PCDHGA8: variants seen among roughly 807,000 people sequenced by gnomAD.
PCDHGA8 encodes protocadherin gamma-A8.
Under a neutral mutation model 59.2 loss-of-function variants are expected in PCDHGA8, and 45 were observed. The observed-to-expected ratio is 0.76, with a 90% CI of 0.60 to 0.98. The LOEUF is 0.98. Among genes scored for constraint, PCDHGA8 ranks in the 50% least tolerant of loss-of-function variants. The pLI is 0.00. For missense variants in PCDHGA8, 1,257 were observed against 1,196.2 expected (o/e 1.05, Z -0.75); for synonymous variants, 531 against 519.0 (o/e 1.02, Z -0.32).
chr5:141,485,995 T>G lies in PCDHGA8; in HGVS notation c.2425-8812T>G. 1 of 1,614,176 alleles carries G rather than the reference T, an allele frequency of 6.2e-7. No individual in the cohort carries two copies. On this transcript the variant is annotated intron_variant, in intron 1 of 3. Transcript: ENST00000398604. The surrounding 1 kb of genome is among the most constrained non-coding windows in gnomAD (Gnocchi z 5.7). ...CCTCAGACCCGGACCTGGGTCCCAG[T>G]GGTAACGTCACCTTTTATTTCAGTG...
At chr5:141,462,786 T>G (rs1394476968) in intron 1 of PCDHGA8, among the ~76,000 whole-genome samples, 1 of 152,216 alleles carries the variant, frequency 6.6e-6, no homozygotes, top group Admixed American at 6.5e-5. Flanking sequence ...AATTTGTTGC[T>G]TATTTGCATG....
At position 141,486,778 on chromosome 5, in the gene PCDHGA8, G is replaced by A. The variant is rs750169906; in HGVS notation, c.2425-8029G>A. The A allele has an allele frequency of 1.2e-6, 2 of 1,614,104 alleles. No individual in the cohort carries two copies. Among genetic ancestry groups the A allele is most frequent in the Admixed American group, 1.7e-5 (1 of 60,006 alleles). ...AAACCCAGACACTGCAGTTTGAGGT[G>A]CAGGCCCGGGATCGGGGCAACCCAC... is the stretch of plus-strand genomic sequence containing the variant. On this transcript the variant is annotated intron_variant, in intron 1 of 3. Coordinates refer to ENST00000398604, the MANE Select transcript of PCDHGA8 (RefSeq NM_032088.2). This position sits in a 1 kb window ranked among gnomAD's most constrained non-coding sequence, Gnocchi z 5.0.
At chr5:141,447,275 G>C (rs2098532748) in intron 1 of PCDHGA8, among the ~76,000 whole-genome samples, 1 of 152,154 alleles carries the variant, frequency 6.6e-6, no homozygotes, top group African/African-American at 2.4e-5. Flanking sequence ...AAGTAGCTGG[G>C]ACTACAGGCA....
chr5:141,404,501 C>T, intron 1 of PCDHGA8: 2 of 1,613,792 alleles, frequency 1.2e-6, no homozygotes, highest in Non-Finnish European at 1.7e-6. Context: ...GCTGTATGCT[C>T]TGTGCTCCTT....
intron 1 of PCDHGA8, chr5:141,439,815 T>C (rs1027862858): frequency 5.3e-5 from 8 of 152,314 alleles, no homozygotes; most frequent in African/African-American, 1.9e-4. Flanking sequence ...AAGGGGCTTA[T>C]TTGGGCTGGA....
At position 141,490,221 on chromosome 5, in the gene PCDHGA8, G is replaced by A; in HGVS notation, c.2425-4586G>A. 6.2e-7 allele frequency: 1 copy of A among 1,614,236 alleles called. No individual in the cohort carries two copies. The highest frequency in any genetic ancestry group is 1.1e-5 in the South Asian group (1 of 91,084). ...ATGCAAGAGCCCGTGACCAGGGACAGCCTGCCATGGAGGGCCACTGTGTGA... is the reference window on the plus strand; with the variant it reads ...ATGCAAGAGCCCGTGACCAGGGACAACCTGCCATGGAGGGCCACTGTGTGA... On this transcript the variant is annotated intron_variant, in intron 1 of 3. Transcript: ENST00000398604. The surrounding 1 kb of genome is among the most constrained non-coding windows in gnomAD (Gnocchi z 5.4).
At chr5:141,428,275 G>C in intron 1 of PCDHGA8, 1 of 767,218 alleles carries the variant, frequency 1.3e-6, no homozygotes, top group Non-Finnish European at 2.2e-6. Context: ...TGTGCCCTCT[G>C]ATTCCCAAGC....
chr5:141,415,206 G>A, intron 1 of PCDHGA8: 4 of 1,614,054 alleles, frequency 2.5e-6, no homozygotes, highest in African/African-American at 1.3e-5. Flanking sequence ...AAGTCCTGGC[G>A]GACCTCGGCA....
chr5:141,443,216 C>T (rs758242896), intron 1 of PCDHGA8, among the ~76,000 whole-genome samples: 3 of 151,908 alleles, frequency 2.0e-5, no homozygotes, highest in South Asian at 2.1e-4. Context: ...TCTCGCCAGG[C>T]GCATCTATAA....
chr5:141,487,936 G>C lies in PCDHGA8; in HGVS notation c.2425-6871G>C. On this transcript the variant is annotated intron_variant, in intron 1 of 3. Coordinates refer to ENST00000398604, the MANE Select transcript of PCDHGA8 (RefSeq NM_032088.2). This position sits in a 1 kb window ranked among gnomAD's most constrained non-coding sequence, Gnocchi z 5.0. The stretch of plus-strand genomic sequence containing the variant: ...AGGAGGCTACAGTGCACAGGGTACA[G>C]TGCACCAGGCAGTCACTTGGACAAA... 4.9e-6 allele frequency: 3 copies of C among 607,906 alleles called. No homozygotes were observed. The highest frequency in any genetic ancestry group is 3.7e-5 in the African/African-American group (2 of 54,158). 37.7% of individuals were successfully genotyped at this position (607,906 alleles called of 1,614,324 possible). A position where few individuals can be genotyped will look rare whatever the true frequency, so the allele number is the denominator to read the frequency against.
intron 1 of PCDHGA8, chr5:141,418,959 C>A: frequency 6.2e-7 from 1 of 1,613,976 alleles, no homozygotes; most frequent in East Asian, 2.2e-5. Flanking sequence ...GTGGTTGTTG[C>A]CCTCTTCAAA....
intron 1 of PCDHGA8, chr5:141,413,590 G>A (rs759901330): frequency 1.2e-6 from 2 of 1,613,886 alleles, no homozygotes; most frequent in Non-Finnish European, 1.7e-6. Flanking sequence ...AAAATTCCAA[G>A]CAGAAAATCT....
chr5:141,396,908 C>CA (rs1453541436), intron 1 of PCDHGA8, among the ~76,000 whole-genome samples: 1 of 152,146 alleles, frequency 6.6e-6, no homozygotes, highest in African/African-American at 2.4e-5. Flanking sequence ...TGGCACTTTG[C>CA]AATTTTAAAA....
At chr5:141,439,077 C>T (rs978045948) in intron 1 of PCDHGA8, among the ~76,000 whole-genome samples, 1 of 151,492 alleles carries the variant, frequency 6.6e-6, no homozygotes, top group Non-Finnish European at 1.5e-5. Flanking sequence ...CCTGTAATCC[C>T]AGCTACTCAG....
At chr5:141,463,417 G>A (rs548514637) in intron 1 of PCDHGA8, among the ~76,000 whole-genome samples, 1 of 146,650 alleles carries the variant, frequency 6.8e-6, no homozygotes, top group South Asian at 2.2e-4. Context: ...ATCCTAGTTT[G>A]CGGATCCTCA....
intron 1 of PCDHGA8, among the ~76,000 whole-genome samples, chr5:141,451,644 G>A (rs1730833205): frequency 6.6e-6 from 1 of 152,178 alleles, no homozygotes; most frequent in Non-Finnish European, 1.5e-5. Context: ...CACTCTGAGA[G>A]GCCAAGGAGG....
In PCDHGA8 at chr5:141,497,558, TA is replaced by T. The variant is rs543126612; in HGVS notation, c.2483+2694del. 6.7e-3 allele frequency among the ~76,000 whole-genome samples: 979 copies of T among 145,038 alleles called. 16 individuals carry two copies. Among genetic ancestry groups the T allele is most frequent in the African/African-American group, 0.024 (931 of 38,872 alleles). On this transcript the variant is annotated intron_variant, in intron 2 of 3. Coordinates refer to ENST00000398604, the MANE Select transcript of PCDHGA8 (RefSeq NM_032088.2). The stretch of plus-strand genomic sequence containing the variant: ...AACAAACCTTTTTTTTTTTTTTTTT[TA>T]GACAGAGTCTTGCTCTGTTGCCCAA...
intron 1 of PCDHGA8, chr5:141,420,034 C>T (rs373590502): frequency 7.8e-5 from 126 of 1,613,970 alleles, no homozygotes; most frequent in Non-Finnish European, 9.3e-5. Context: ...CTGCAGGAGA[C>T]TGCTTTGAGT....
chr5:141,490,652 C>A lies in PCDHGA8; in HGVS notation c.2425-4155C>A. ...ATCCTAGAAAACCGGCCTCCGGGCT[C>A]CCTTCTTTGCACTGTGGCTGCCTCA... On this transcript the variant is annotated intron_variant, in intron 1 of 3. Transcript: ENST00000398604. The surrounding 1 kb of genome is among the most constrained non-coding windows in gnomAD (Gnocchi z 5.4). 6.2e-7 allele frequency: 1 copy of A among 1,614,208 alleles called. No individual in the cohort carries two copies. Among genetic ancestry groups the A allele is most frequent in the Non-Finnish European group, 8.5e-7 (1 of 1,180,026 alleles).
Sources: gnomAD v4.1 joint callset for allele counts (sites outside exome capture counted in the v4.1 genomes callset) on GRCh38, gnomAD v4.1.1 for gene constraint, Gnocchi (gnomAD v3.1) non-coding constraint, MANE v1.5 for transcripts, NCBI Gene and HGNC (gene_info 2026-07-23, HGNC 2026-07-21) for gene names.